Variants in LRRK2 observed in about 807,000 individuals in gnomAD.
LRRK2 encodes leucine-rich repeat serine/threonine-protein kinase 2.
LRRK2 carries 203 observed loss-of-function variants against 302.6 expected under a neutral mutation model. The ratio of observed to expected loss-of-function variants is 0.67; its 90% CI spans 0.60 to 0.75. LRRK2 has a LOEUF of 0.75. LRRK2 is among the 30% of genes least tolerant of loss of function. LRRK2 has a pLI of 0.00. For synonymous variants in LRRK2, 1,066 were observed against 1,031.9 expected (o/e 1.03, Z -0.63); for missense variants, 2,830 against 2,951.0 (o/e 0.96, Z 0.95).
chr12:40,367,120 G>T, intron 50 of LRRK2, 43 bp downstream of exon 50: 5 of 1,359,838 alleles, frequency 3.7e-6, no homozygotes, highest in Non-Finnish European at 5.3e-6. Flanking sequence ...GGGCAATGAT[G>T]TGAATGATGG....
intron 6 of LRRK2, 81 bp from the exon 7 acceptor site, chr12:40,243,469 T>TCTATATAGA (rs1207774653): frequency 1.1e-5 from 17 of 1,483,514 alleles, no homozygotes; most frequent in Non-Finnish European, 1.6e-5. Flanking sequence ...CTATTTACAG[T>TCTATATAGA]CTATATAAGA....
intron 20 of LRRK2, among the ~76,000 whole-genome samples, chr12:40,289,556 A>T (rs1944063256): frequency 6.7e-6 from 1 of 149,100 alleles, no homozygotes; most frequent in African/African-American, 2.4e-5. Flanking sequence ...ATAATAATTT[A>T]TATAGATTAT....
chr12:40,229,810 A>T (rs1941082722), intron 2 of LRRK2, among the ~76,000 whole-genome samples: 1 of 152,236 alleles, frequency 6.6e-6, no homozygotes, highest in African/African-American at 2.4e-5. Flanking sequence ...TAATCACAGA[A>T]GTTCCATGTA....
intron 23 of LRRK2, among the ~76,000 whole-genome samples, chr12:40,295,912 G>T (rs974103578): frequency 6.6e-6 from 1 of 152,098 alleles, no homozygotes; most frequent in Non-Finnish European, 1.5e-5. Flanking sequence ...AGTGTATATT[G>T]ATTATACTTT....
intron 2 of LRRK2, among the ~76,000 whole-genome samples, chr12:40,231,860 G>A (rs143915852): frequency 0.011 from 1,716 of 150,440 alleles, 42 homozygotes; most frequent in African/African-American, 0.037. Context: ...CTAGAGTGCA[G>A]TGGCACAATC....
rs1415109390 is a variant in LRRK2, at chr12:40,309,134, C to A, written c.4218C>A (p.Pro1406=). The stretch of plus-strand genomic sequence containing the variant: ...GTGAGGAATTCTATAGTACTCATCC[C>A]CATTTTATGACGCAGCGAGCATTGT... ...AGREEFYSTH[P]HFMTQRALYL... The change falls in exon 30 of 51, where the codon CCC becomes CCA. Residue 1406 remains proline (P), a synonymous_variant. Coordinates refer to ENST00000298910, the MANE Select transcript of LRRK2 (RefSeq NM_198578.4). 6.2e-7 allele frequency: 1 copy of A among 1,613,660 alleles called. No individual in the cohort carries two copies. Among genetic ancestry groups the A allele is most frequent in the Non-Finnish European group, 8.5e-7 (1 of 1,179,872 alleles).
intron 40 of LRRK2, among the ~76,000 whole-genome samples, chr12:40,337,808 C>G (rs187493972): frequency 3.9e-4 from 59 of 152,308 alleles, no homozygotes; most frequent in African/African-American, 1.3e-3. Flanking sequence ...CTTTGCGGCC[C>G]CTGCCACCCC....
At chr12:40,270,063 ATTT>A (rs1943171207) in intron 14 of LRRK2, among the ~76,000 whole-genome samples, 1 of 152,164 alleles carries the variant, frequency 6.6e-6, no homozygotes, top group Non-Finnish European at 1.5e-5. Flanking sequence ...ATAATAACTG[ATTT>A]TTCACTTAGA....
chr12:40,285,558 T>C (rs1004464229), intron 19 of LRRK2, among the ~76,000 whole-genome samples: 1 of 152,084 alleles, frequency 6.6e-6, no homozygotes, highest in African/African-American at 2.4e-5. Context: ...ACATACTTTT[T>C]TGACCTCACA....
intron 41 of LRRK2, among the ~76,000 whole-genome samples, chr12:40,344,380 A>C (rs1565767311): frequency 6.6e-6 from 1 of 152,228 alleles, no homozygotes; most frequent in African/African-American, 2.4e-5. Context: ...TTAAGATTTA[A>C]ATAAGCCTCC....
chr12:40,318,090 C>T lies in LRRK2; in HGVS notation c.4828-1898C>T, dbSNP rs570428896. Among the ~76,000 whole-genome samples, 54 of 152,182 alleles carry T rather than the reference C, an allele frequency of 3.5e-4. 1 individual carries two copies. In the South Asian group the frequency reaches 9.9e-3, roughly 28 times the overall value. Reference sequence around the variant, plus strand: ...CGGTGATCACAGAATAATTAGACATCTTTCATGGTGGCTGGTTACCAAGAG... The same window carrying T: ...CGGTGATCACAGAATAATTAGACATTTTTCATGGTGGCTGGTTACCAAGAG... On this transcript the variant is annotated intron_variant, in intron 33 of 50. Coordinates refer to ENST00000298910, the MANE Select transcript of LRRK2 (RefSeq NM_198578.4).
intron 40 of LRRK2, among the ~76,000 whole-genome samples, chr12:40,338,560 A>G (rs1349705553): frequency 6.6e-6 from 1 of 152,198 alleles, no homozygotes; most frequent in African/African-American, 2.4e-5. Context: ...GGAAGGAAAA[A>G]TCTTTACTTA....
intron 28 of LRRK2, among the ~76,000 whole-genome samples, chr12:40,306,526 A>G (rs1391480325): frequency 1.3e-5 from 2 of 152,246 alleles, no homozygotes; most frequent in East Asian, 3.9e-4. Flanking sequence ...AATGGATTTT[A>G]TCCTCCTTTT....
intron 12 of LRRK2, among the ~76,000 whole-genome samples, chr12:40,258,939 A>C (rs912457702): frequency 2.6e-5 from 4 of 152,190 alleles, no homozygotes; most frequent in Admixed American, 2.6e-4. Context: ...ATTTGCTCAT[A>C]TGTAAAAGAA....
At chr12:40,235,944 T>A (rs1161198932) in intron 4 of LRRK2, among the ~76,000 whole-genome samples, 1 of 152,022 alleles carries the variant, frequency 6.6e-6, no homozygotes, top group African/African-American at 2.4e-5. Flanking sequence ...CCATCTCTTC[T>A]CCTTATCTCT....
chr12:40,343,691 T>G lies in LRRK2; in HGVS notation c.6110-3062T>G, dbSNP rs1946114719. 2.6e-5 allele frequency among the ~76,000 whole-genome samples: 4 copies of G among 152,228 alleles called. No homozygotes were observed. The South Asian group carries it at 8.3e-4, about 32-fold the overall frequency. ...CAATGAATCATATTTTCTCAAGTATTTTAACATTGTAATCATTATGATAAT... is the reference window on the plus strand; with the variant it reads ...CAATGAATCATATTTTCTCAAGTATGTTAACATTGTAATCATTATGATAAT... On this transcript the variant is annotated intron_variant, in intron 41 of 50. Coordinates refer to ENST00000298910, the MANE Select transcript of LRRK2 (RefSeq NM_198578.4).
At chr12:40,298,078 C>G (rs908658424) in intron 23 of LRRK2, among the ~76,000 whole-genome samples, 165 bp from the exon 24 acceptor site, 83 of 151,848 alleles carry the variant, frequency 5.5e-4, no homozygotes, top group African/African-American at 1.9e-3. Context: ...CAAGCAGAGA[C>G]GATTGGGCCA....
chr12:40,282,561 A>T (rs545068782), intron 18 of LRRK2, among the ~76,000 whole-genome samples: 1 of 152,280 alleles, frequency 6.6e-6, no homozygotes, highest in East Asian at 1.9e-4. Context: ...GGGTAATAGA[A>T]ATAGCATAAA....
At chr12:40,289,732 A>C (rs1023883387) in intron 20 of LRRK2, among the ~76,000 whole-genome samples, 1 of 151,684 alleles carries the variant, frequency 6.6e-6, no homozygotes, top group African/African-American at 2.4e-5. Flanking sequence ...AATTTCCAGT[A>C]GTTCACTGTT....
Sources: gnomAD v4.1 joint callset for allele counts (sites outside exome capture counted in the v4.1 genomes callset) on GRCh38, gnomAD v4.1.1 for gene constraint, MANE v1.5 for transcripts, NCBI Gene and HGNC (gene_info 2026-07-23, HGNC 2026-07-21) for gene names.